SLC22A15: variants seen among roughly 807,000 people sequenced by gnomAD.
The protein encoded by SLC22A15 is solute carrier family 22 member 15.
In SLC22A15, 45 loss-of-function variants were observed where a neutral mutation model predicts 62.7. The ratio of observed to expected loss-of-function variants is 0.72; its 90% confidence interval spans 0.56 to 0.92. SLC22A15 has a LOEUF of 0.92. SLC22A15 is among the 40% of genes least tolerant of loss of function. SLC22A15 has a pLI of 0.00. For synonymous variants in SLC22A15, 264 were observed against 267.0 expected (o/e 0.99, Z 0.11); for missense variants, 622 against 665.6 (o/e 0.93, Z 0.72).
chr1:116,028,710 A>C (rs1481995376), intron 5 of SLC22A15, among the ~76,000 whole-genome samples: 1 of 152,038 alleles, frequency 6.6e-6, no homozygotes, highest in Non-Finnish European at 1.5e-5. Context: ...GGCTTCCCAC[A>C]GTCAGCCTCC....
intron 1 of SLC22A15, among the ~76,000 whole-genome samples, chr1:115,977,129 A>G (rs1570673635): frequency 6.6e-6 from 1 of 152,246 alleles, no homozygotes; most frequent in South Asian, 2.1e-4. Flanking sequence ...TCTAGGACAC[A>G]GTCTTGATAA....
intron 5 of SLC22A15, among the ~76,000 whole-genome samples, chr1:116,029,799 T>C (rs114251844): frequency 0.024 from 3,611 of 152,298 alleles, 144 homozygotes; most frequent in African/African-American, 0.083. Context: ...AAATGACATA[T>C]AACCCAAAGA....
In SLC22A15 at chr1:116,035,098, A is replaced by C. The variant is rs191128338; in HGVS notation, c.945-89A>C. 1.3e-3 allele frequency: 1,707 copies of C among 1,343,170 alleles called. 5 individuals carry two copies. Among genetic ancestry groups the C allele is most frequent in the Non-Finnish European group, 1.6e-3 (1,521 of 977,058 alleles). 83.2% of individuals were successfully genotyped at this position (1,343,170 alleles called of 1,614,324 possible). On this transcript the variant is annotated intron_variant, in intron 6 of 11. Transcript: ENST00000369503. ...CAGATCAAGCAATTATATTGAACCA[A>C]TATTTGAATCTCCTCTGGCAAATTC... is the stretch of plus-strand genomic sequence containing the variant.
chr1:115,982,968 G>T (rs1204683683), intron 1 of SLC22A15, among the ~76,000 whole-genome samples: 2 of 152,062 alleles, frequency 1.3e-5, no homozygotes, highest in Non-Finnish European at 2.9e-5. Flanking sequence ...ATCTCTTTCT[G>T]CATTCTCTGC....
At chr1:116,018,013 G>A (rs1226066378) in intron 2 of SLC22A15, among the ~76,000 whole-genome samples, 5 of 152,214 alleles carry the variant, frequency 3.3e-5, no homozygotes, top group Non-Finnish European at 4.4e-5. Context: ...ATAAATATAC[G>A]TGATATAAAA....
chr1:116,023,269 G>C (rs1181934374), intron 4 of SLC22A15, among the ~76,000 whole-genome samples: 1 of 152,008 alleles, frequency 6.6e-6, no homozygotes, highest in Non-Finnish European at 1.5e-5. Flanking sequence ...AAGGATTTCT[G>C]GCTAATTGAC....
chr1:116,044,462 T>C (rs1434114680), intron 8 of SLC22A15, among the ~76,000 whole-genome samples: 1 of 152,226 alleles, frequency 6.6e-6, no homozygotes, highest in African/African-American at 2.4e-5. Context: ...TGAATACTTA[T>C]ATTCTAAGGT....
chr1:116,016,929 A>G (rs1048841758), intron 2 of SLC22A15, among the ~76,000 whole-genome samples: 2 of 152,160 alleles, frequency 1.3e-5, no homozygotes, highest in African/African-American at 4.8e-5. Flanking sequence ...CTTTGCTATC[A>G]TATTGCATTC....
intron 2 of SLC22A15, among the ~76,000 whole-genome samples, chr1:116,000,699 C>T (rs113595096): frequency 6.0e-5 from 9 of 148,950 alleles, no homozygotes; most frequent in South Asian, 2.1e-4. Context: ...GGCTTGATCC[C>T]GGCTCACTGC....
chr1:116,024,684 T>A (rs933619399), intron 4 of SLC22A15, among the ~76,000 whole-genome samples: 2 of 152,208 alleles, frequency 1.3e-5, no homozygotes, highest in African/African-American at 2.4e-5. Flanking sequence ...GCGTTGAAGA[T>A]GCCCAGAACC....
At chr1:115,985,675 G>A (rs1355138126) in intron 1 of SLC22A15, among the ~76,000 whole-genome samples, 1 of 151,980 alleles carries the variant, frequency 6.6e-6, no homozygotes, top group Admixed American at 6.6e-5. Context: ...AAGGCCGGGC[G>A]CGGTGGCTCA....
At chr1:116,010,100 T>C (rs1656177438) in intron 2 of SLC22A15, among the ~76,000 whole-genome samples, 1 of 152,234 alleles carries the variant, frequency 6.6e-6, no homozygotes, top group Admixed American at 6.5e-5. Context: ...TATTCTAAAA[T>C]GAGCTAATAG....
At chr1:115,992,358 A>G in intron 2 of SLC22A15, 115 bp downstream of exon 2, 1 of 928,520 alleles carries the variant, frequency 1.1e-6, no homozygotes, top group Non-Finnish European at 1.6e-6. Flanking sequence ...CTTTCTAGTA[A>G]ATTTAAAAGT....
At chr1:116,012,836 C>A (rs887053367) in intron 2 of SLC22A15, among the ~76,000 whole-genome samples, 1 of 152,142 alleles carries the variant, frequency 6.6e-6, no homozygotes, top group Admixed American at 6.5e-5. Flanking sequence ...GAATTTTGAT[C>A]ATTTCCTGGG....
At chr1:116,019,836 G>A (rs1194516444) in intron 3 of SLC22A15, 122 bp downstream of exon 3, 9 of 1,108,390 alleles carry the variant, frequency 8.1e-6, no homozygotes, top group Non-Finnish European at 1.1e-5. Context: ...ACACAGAACT[G>A]ATCTTTATTA....
intron 1 of SLC22A15, among the ~76,000 whole-genome samples, chr1:115,988,543 G>T (rs977286899): frequency 1.3e-5 from 2 of 151,880 alleles, no homozygotes; most frequent in Non-Finnish European, 2.9e-5. Flanking sequence ...ATTTTTTGGG[G>T]GGGGACTCTC....
intron 2 of SLC22A15, among the ~76,000 whole-genome samples, chr1:116,007,226 A>G (rs1013354178): frequency 1.3e-5 from 2 of 152,172 alleles, no homozygotes; most frequent in South Asian, 2.1e-4. Flanking sequence ...CCAGAACAAC[A>G]TGGGGAGCAG....
intron 8 of SLC22A15, among the ~76,000 whole-genome samples, chr1:116,043,860 G>T (rs1311616613): frequency 6.6e-6 from 1 of 152,076 alleles, no homozygotes; most frequent in Non-Finnish European, 1.5e-5. Flanking sequence ...GGTAAAATGG[G>T]CAAATTTCTT....
intron 2 of SLC22A15, among the ~76,000 whole-genome samples, chr1:116,007,445 G>A (rs1656038071): frequency 6.6e-6 from 1 of 152,206 alleles, no homozygotes. Flanking sequence ...CCTACTTGTT[G>A]GAGGAGTACA....
Sources: gnomAD v4.1 joint callset for allele counts (sites outside exome capture counted in the v4.1 genomes callset) on GRCh38, gnomAD v4.1.1 for gene constraint, MANE v1.5 for transcripts, NCBI Gene and HGNC (gene_info 2026-07-23, HGNC 2026-07-21) for gene names.